Variants in SLC17A1 observed in about 807,000 individuals in gnomAD.
SLC17A1 encodes the protein solute carrier family 17 member 1.
Under a neutral mutation model 53.5 loss-of-function variants are expected in SLC17A1, and 51 were observed. The observed-to-expected ratio is 0.95, with a 90% CI of 0.76 to 1.20. SLC17A1 has a LOEUF of 1.20. Ranked by LOEUF, SLC17A1 falls within the 50% of genes most tolerant of loss-of-function variation. The probability of loss-of-function intolerance (pLI) is 0.00; values close to 1 mark genes in which losing one functional copy is unlikely to be tolerated. For missense variants in SLC17A1, 538 were observed against 568.2 expected (o/e 0.95, Z 0.54); for synonymous variants, 179 against 198.8 (o/e 0.90, Z 0.84).
At chr6:25,756,859 T>G in the SLC17A1 span, among the ~76,000 whole-genome samples, 10 of 152,216 alleles carry the variant, frequency 6.6e-5, no homozygotes, top group Non-Finnish European at 1.5e-4. Flanking sequence ...AGAGTCTGTG[T>G]GGGTATAGCT....
At chr6:25,764,531 C>G in the SLC17A1 span, among the ~76,000 whole-genome samples, 1 of 152,302 alleles carries the variant, frequency 6.6e-6, no homozygotes, top group Admixed American at 6.5e-5. Flanking sequence ...CTAAATCTTG[C>G]AGACAGATTT....
At chr6:25,726,074 G>GA in the SLC17A1 span, 1 of 1,453,396 alleles carries the variant, frequency 6.9e-7, no homozygotes, top group Middle Eastern at 1.8e-4. Context: ...AGGTGGCTCT[G>GA]AAAAGAGCCT....
the SLC17A1 span, chr6:25,726,151 T>C: frequency 6.4e-7 from 1 of 1,551,650 alleles, no homozygotes; most frequent in Non-Finnish European, 8.7e-7. Flanking sequence ...TTGGGCTTTA[T>C]GGTGGTGACT....
At chr6:25,793,545 C>T (rs557747456) in intron 12 of SLC17A1, among the ~76,000 whole-genome samples, 138 of 152,186 alleles carry the variant, frequency 9.1e-4, no homozygotes, top group Admixed American at 5.4e-3. Context: ...CTGGAATTAT[C>T]CTGTTTAAAT....
chr6:25,773,143 A>G, the SLC17A1 span: 3 of 748,970 alleles, frequency 4.0e-6, no homozygotes, highest in South Asian at 1.6e-5. Flanking sequence ...TGATAGGGCC[A>G]TGCAAGGGAT....
the SLC17A1 span, among the ~76,000 whole-genome samples, chr6:25,751,814 A>G: frequency 2.0e-5 from 3 of 152,114 alleles, no homozygotes; most frequent in African/African-American, 7.2e-5. Context: ...GCCATACCTC[A>G]AGACCTGATA....
the SLC17A1 span, among the ~76,000 whole-genome samples, chr6:25,737,345 A>C: frequency 6.6e-6 from 1 of 152,012 alleles, no homozygotes; most frequent in Non-Finnish European, 1.5e-5. Context: ...TCAGAAGTGG[A>C]CTCAGCTTCA....
chr6:25,754,379 T>C, the SLC17A1 span, among the ~76,000 whole-genome samples: 2 of 152,086 alleles, frequency 1.3e-5, no homozygotes, highest in African/African-American at 2.4e-5. Flanking sequence ...AACAGCAGGA[T>C]GGTGGAAAAG....
chr6:25,776,631 T>C, the SLC17A1 span: 37 of 1,613,130 alleles, frequency 2.3e-5, no homozygotes, highest in Non-Finnish European at 3.1e-5. Context: ...TGTTGTTGGA[T>C]GTATCTGCAT....
At chr6:25,751,090 T>C in the SLC17A1 span, among the ~76,000 whole-genome samples, 1 of 152,176 alleles carries the variant, frequency 6.6e-6, no homozygotes, top group Non-Finnish European at 1.5e-5. Flanking sequence ...TGTCTGCAAT[T>C]ATCTTTTCTG....
chr6:25,777,888 A>G, the SLC17A1 span: 1 of 1,537,770 alleles, frequency 6.5e-7, no homozygotes, highest in Non-Finnish European at 9.0e-7. Flanking sequence ...AAACGTAGGT[A>G]TACTTGGTTA....
the SLC17A1 span, among the ~76,000 whole-genome samples, chr6:25,747,984 CA>C: frequency 1.2e-4 from 19 of 152,178 alleles, no homozygotes; most frequent in Admixed American, 2.0e-4. Flanking sequence ...AAAGTGAATT[CA>C]AAAAACTCAA....
chr6:25,780,774 G>A (rs1040470200), downstream of SLC17A1: 1 of 152,178 alleles, frequency 6.6e-6, no homozygotes, highest in Non-Finnish European at 1.5e-5. Flanking sequence ...CAATAGACAT[G>A]GTGAGAGGTG....
At chr6:25,770,998 T>A in the SLC17A1 span, 1 of 1,613,586 alleles carries the variant, frequency 6.2e-7, no homozygotes, top group Middle Eastern at 1.7e-4. Flanking sequence ...TGGCCTTACG[T>A]CTTCTATATC....
chr6:25,729,053 GTATC>G, the SLC17A1 span, among the ~76,000 whole-genome samples: 1 of 152,152 alleles, frequency 6.6e-6, no homozygotes, highest in Admixed American at 6.5e-5. Context: ...AAAACAGCAG[GTATC>G]ACATAGCTGC....
chr6:25,775,176 C>T, the SLC17A1 span, among the ~76,000 whole-genome samples: 1 of 151,836 alleles, frequency 6.6e-6, no homozygotes, highest in African/African-American at 2.4e-5. Flanking sequence ...ACTAAAACTA[C>T]AAAAAATTAG....
the SLC17A1 span, among the ~76,000 whole-genome samples, chr6:25,762,808 A>C: frequency 2.0e-5 from 3 of 152,222 alleles, no homozygotes; most frequent in Non-Finnish European, 4.4e-5. Context: ...CATTTGACCC[A>C]GAATGAATAC....
intron 10 of SLC17A1, among the ~76,000 whole-genome samples, chr6:25,810,429 T>G (rs1368711301): frequency 6.6e-6 from 1 of 151,650 alleles, no homozygotes; most frequent in Non-Finnish European, 1.5e-5. Flanking sequence ...AACAACCCAA[T>G]TAAAAAATGG....
chr6:25,731,758 G>C, the SLC17A1 span: 1 of 1,480,356 alleles, frequency 6.8e-7, no homozygotes. Flanking sequence ...GGTTTGTGGA[G>C]CTCATCTGCT....
Sources: allele counts gnomAD v4.1 joint callset (sites outside exome capture counted in the v4.1 genomes callset), GRCh38; gene constraint gnomAD v4.1.1; transcripts MANE v1.5; gene names NCBI Gene and HGNC (gene_info 2026-07-23, HGNC 2026-07-21).